Variants in SHB observed in about 807,000 individuals in gnomAD.
The protein encoded by SHB is SH2 domain-containing adapter protein B.
A neutral mutation model predicts 52.3 loss-of-function variants in SHB; 20 were observed. That is an observed-to-expected ratio of 0.38 (90% confidence interval 0.27 to 0.56). The LOEUF (loss-of-function observed/expected upper bound fraction) is 0.56, where lower values mean the gene tolerates loss of function less well. SHB is among the 20% of genes least tolerant of loss of function. SHB has a pLI of 0.71. For missense variants in SHB, 825 were observed against 723.3 expected, an observed-to-expected ratio of 1.14 and a Z score of -1.61; for synonymous variants, 397 against 316.5, an observed-to-expected ratio of 1.25 and a Z score of -2.70.
intron 1 of SHB, among the ~76,000 whole-genome samples, chr9:38,055,864 C>T (rs746950109): frequency 1.3e-5 from 2 of 152,108 alleles, no homozygotes; most frequent in South Asian, 2.1e-4. Flanking sequence ...GCCCAGCCTC[C>T]GGTATCAGAG....
chr9:38,043,299 T>C (rs998896413), intron 1 of SHB, among the ~76,000 whole-genome samples: 1 of 152,162 alleles, frequency 6.6e-6, no homozygotes, highest in African/African-American at 2.4e-5. Context: ...CCTGGGGATA[T>C]TACCTAGTAG....
chr9:37,921,553 A>G (rs2118452490), intron 5 of SHB, among the ~76,000 whole-genome samples: 1 of 152,368 alleles, frequency 6.6e-6, no homozygotes, highest in African/African-American at 2.4e-5. Context: ...GGGAGAGCCA[A>G]TTACATTTCA....
rs370391590 is a variant in SHB, at chr9:37,982,528, C to T, written c.839-7691G>A. 5.3e-5 allele frequency among the ~76,000 whole-genome samples: 8 copies of T among 152,100 alleles called. No homozygotes were observed. In the East Asian group the frequency reaches 7.7e-4, roughly 15 times the overall value. ...GATAAGTAGGCCGGGTGCAGTGGCT[C>T]ACACCTGTAATCCCACCACTTTGGG... On this transcript the variant is annotated intron_variant, in intron 2 of 5. Coordinates refer to ENST00000377707, the MANE Select transcript of SHB (RefSeq NM_003028.3).
chr9:37,939,380 T>TTTGA (rs1832411651), intron 5 of SHB, among the ~76,000 whole-genome samples: 1 of 152,246 alleles, frequency 6.6e-6, no homozygotes. Flanking sequence ...GTTAAGCCCC[T>TTTGA]TTGAGCCTCT....
chr9:38,066,495 A>T (rs527842252), intron 1 of SHB, among the ~76,000 whole-genome samples: 1 of 152,204 alleles, frequency 6.6e-6, no homozygotes, highest in South Asian at 2.1e-4. Context: ...TCCCAGGGAA[A>T]TCTGCCCCCT....
chr9:38,062,953 G>T lies in SHB; in HGVS notation c.717+4976C>A, dbSNP rs545096658. Among the ~76,000 whole-genome samples, 13 of 152,326 alleles carry T rather than the reference G, an allele frequency of 8.5e-5. No homozygotes were observed. The South Asian group carries it at 2.7e-3, about 32-fold the overall frequency. ...ATCAAACCACGGGCGGTTTTGGGGT[G>T]ATTTGTTATGTAGCAACAGCTAATA... is the stretch of plus-strand genomic sequence containing the variant. On this transcript the variant is annotated intron_variant, in intron 1 of 5. Coordinates refer to ENST00000377707, the MANE Select transcript of SHB (RefSeq NM_003028.3).
At chr9:37,947,170 T>C (rs950971331) in intron 5 of SHB, among the ~76,000 whole-genome samples, 2 of 152,232 alleles carry the variant, frequency 1.3e-5, no homozygotes, top group African/African-American at 2.4e-5. Flanking sequence ...CAACGAATTA[T>C]GCAGGCACCA....
At chr9:37,976,661 A>G (rs986388477) in intron 2 of SHB, among the ~76,000 whole-genome samples, 6 of 152,174 alleles carry the variant, frequency 3.9e-5, no homozygotes, top group African/African-American at 1.4e-4. Flanking sequence ...ATCATTATGT[A>G]TATTCACCGT....
chr9:37,950,342 T>C (rs535549815), intron 4 of SHB, among the ~76,000 whole-genome samples: 1 of 152,198 alleles, frequency 6.6e-6, no homozygotes, highest in East Asian at 1.9e-4. Flanking sequence ...CACGGCTCAC[T>C]GCAGCCTTAA....
chr9:38,001,560 C>T (rs1306410987), intron 2 of SHB, among the ~76,000 whole-genome samples: 1 of 152,246 alleles, frequency 6.6e-6, no homozygotes, highest in Non-Finnish European at 1.5e-5. Context: ...GCCCTTTGGA[C>T]GCTTTGACCT....
chr9:37,978,728 C>T (rs1219432256), intron 2 of SHB, among the ~76,000 whole-genome samples: 1 of 152,178 alleles, frequency 6.6e-6, no homozygotes, highest in Non-Finnish European at 1.5e-5. Context: ...TAAGTACAGA[C>T]ATCCACAACA....
chr9:37,969,091 CAGAAATTAGTGCAAGTGAGATGA>C (rs892469165), intron 3 of SHB, among the ~76,000 whole-genome samples: 3 of 129,564 alleles, frequency 2.3e-5, no homozygotes, highest in South Asian at 2.4e-4. Context: ...GTAGATGTCG[CAGAAATTAGTGCAAGTGAGATGA>C]AGAAATTAGT....
chr9:37,960,329 C>A (rs1045299844), intron 3 of SHB, among the ~76,000 whole-genome samples: 3 of 152,182 alleles, frequency 2.0e-5, no homozygotes, highest in African/African-American at 7.2e-5. Context: ...AGTGATTTTT[C>A]TGCAAAAGAT....
chr9:38,037,140 TC>T (rs1430240038), intron 1 of SHB, among the ~76,000 whole-genome samples: 1 of 152,182 alleles, frequency 6.6e-6, no homozygotes, highest in Non-Finnish European at 1.5e-5. Context: ...CACAACTCCC[TC>T]TTTTCCCGGA....
intron 1 of SHB, among the ~76,000 whole-genome samples, chr9:38,017,090 C>T (rs1207329492): frequency 3.9e-5 from 6 of 152,226 alleles, no homozygotes; most frequent in Non-Finnish European, 8.8e-5. Context: ...AGTGTTCCTC[C>T]CTCTTTTTAC....
At chr9:37,950,468 G>T (rs1049433972) in intron 4 of SHB, among the ~76,000 whole-genome samples, 1 of 152,192 alleles carries the variant, frequency 6.6e-6, no homozygotes, top group Non-Finnish European at 1.5e-5. Flanking sequence ...CGGTAAAACT[G>T]CAGGGAAAGA....
intron 2 of SHB, among the ~76,000 whole-genome samples, chr9:37,995,138 G>A (rs534651546): frequency 2.0e-5 from 3 of 152,292 alleles, no homozygotes; most frequent in Admixed American, 2.0e-4. Flanking sequence ...CAGGCTGGGG[G>A]AAGGGCAGGC....
chr9:37,993,553 TATA>T (rs929521332), intron 2 of SHB, among the ~76,000 whole-genome samples: 5 of 152,018 alleles, frequency 3.3e-5, no homozygotes, highest in South Asian at 2.1e-4. Flanking sequence ...GAACTTAAAG[TATA>T]ATAATAATAA....
At chr9:38,001,010 G>A (rs1821006317) in intron 2 of SHB, among the ~76,000 whole-genome samples, 1 of 152,222 alleles carries the variant, frequency 6.6e-6, no homozygotes, top group African/African-American at 2.4e-5. Flanking sequence ...CAGCAGGGAT[G>A]TGCTTGGTAT....
Sources: gnomAD v4.1 joint callset for allele counts (sites outside exome capture counted in the v4.1 genomes callset) on GRCh38, gnomAD v4.1.1 for gene constraint, MANE v1.5 for transcripts, NCBI Gene and HGNC (gene_info 2026-07-23, HGNC 2026-07-21) for gene names.